The following ANK3 variants were observed in gnomAD, a reference collection of about 807,000 sequenced individuals.
The protein encoded by ANK3 is ankyrin-3.
In ANK3, 57 loss-of-function variants were observed where a neutral mutation model predicts 370.9. That is an observed-to-expected ratio of 0.15 (90% CI 0.12 to 0.19). The LOEUF is 0.19. Ranked by LOEUF, ANK3 falls within the 10% of genes least tolerant of loss-of-function variation. The pLI is 1.00. For missense variants in ANK3, 4,439 were observed against 5,302.1 expected, an observed-to-expected ratio of 0.84 and a Z score of 5.06; for synonymous variants, 1,929 against 1,946.3, an observed-to-expected ratio of 0.99 and a Z score of 0.23.
At chr10:60,720,959 G>T (rs2079855187) in intron 1 of ANK3, among the ~76,000 whole-genome samples, 1 of 152,134 alleles carries the variant, frequency 6.6e-6, no homozygotes, top group African/African-American at 2.4e-5. Context: ...AGGAGATCAT[G>T]TTAGTAAATA....
chr10:60,316,990 C>T (rs1015254630), intron 1 of ANK3, among the ~76,000 whole-genome samples: 2 of 152,182 alleles, frequency 1.3e-5, no homozygotes, highest in African/African-American at 4.8e-5. Context: ...TCATGATCCG[C>T]CCACCTCAGC....
intron 2 of ANK3, among the ~76,000 whole-genome samples, chr10:60,398,305 C>T (rs957648469): frequency 2.0e-5 from 3 of 152,166 alleles, no homozygotes; most frequent in African/African-American, 7.2e-5. Flanking sequence ...ATGTGGCCTG[C>T]AGGCCTGTTT....
At chr10:60,657,359 A>G (rs756864446) in intron 1 of ANK3, among the ~76,000 whole-genome samples, 13 of 152,174 alleles carry the variant, frequency 8.5e-5, no homozygotes, top group East Asian at 1.9e-4. Context: ...TCTGTTGCCC[A>G]GGCTGGTCTT....
At chr10:60,317,962 C>T (rs987437783) in intron 1 of ANK3, among the ~76,000 whole-genome samples, 1 of 151,764 alleles carries the variant, frequency 6.6e-6, no homozygotes, top group East Asian at 1.9e-4. Flanking sequence ...GTGATCAGCC[C>T]GCCTCGGCCT....
At chr10:60,390,341 T>C (rs1047094467), upstream of ANK3, among the ~76,000 whole-genome samples, 1 of 152,170 alleles carries the variant, frequency 6.6e-6, no homozygotes, top group African/African-American at 2.4e-5. Flanking sequence ...TATTGGTGTA[T>C]GGAACAGATG....
In ANK3 at chr10:60,513,880, A is replaced by T. The variant is rs988419043; in HGVS notation, c.96+101306T>A. Among the ~76,000 whole-genome samples the T allele has an allele frequency of 3.3e-5, 5 of 152,256 alleles. No individual in the cohort carries two copies. The East Asian group carries it at 9.7e-4, about 30-fold the overall frequency. On this transcript the variant is annotated intron_variant, in intron 2 of 43. Transcript: ENST00000373827. The stretch of plus-strand genomic sequence containing the variant: ...ACATGCGTTTGCACGGAGTGAGTCC[A>T]CTTATACACGGACCTTTTTCAATAA...
intron 2 of ANK3, among the ~76,000 whole-genome samples, chr10:60,556,563 G>C (rs1425598707): frequency 6.6e-6 from 1 of 152,114 alleles, no homozygotes; most frequent in Non-Finnish European, 1.5e-5. Context: ...CAGTGTCACT[G>C]TCTTTATCCA....
intron 41 of ANK3, among the ~76,000 whole-genome samples, chr10:60,057,611 G>A (rs576052428): frequency 6.6e-6 from 1 of 152,226 alleles, no homozygotes; most frequent in East Asian, 1.9e-4. Context: ...ATTGCTTGCC[G>A]GCGTTCTCCT....
intron 1 of ANK3, among the ~76,000 whole-genome samples, chr10:60,348,675 G>A (rs937764893): frequency 2.0e-5 from 3 of 152,204 alleles, no homozygotes; most frequent in African/African-American, 7.2e-5. Flanking sequence ...AACAGCAGTA[G>A]TGGTGGTGTG....
intron 1 of ANK3, among the ~76,000 whole-genome samples, chr10:60,362,118 A>G (rs1403498969): frequency 6.6e-6 from 1 of 152,114 alleles, no homozygotes; most frequent in African/African-American, 2.4e-5. Flanking sequence ...CTATACTCTC[A>G]GGATGTCCTA....
intron 2 of ANK3, among the ~76,000 whole-genome samples, chr10:60,413,912 A>G (rs974516459): frequency 1.3e-5 from 2 of 152,142 alleles, no homozygotes; most frequent in African/African-American, 4.8e-5. Flanking sequence ...TGAGAGGATC[A>G]CTTGAGCCTA....
chr10:60,486,455 C>T (rs1052464814), intron 2 of ANK3, among the ~76,000 whole-genome samples: 7 of 152,160 alleles, frequency 4.6e-5, no homozygotes, highest in African/African-American at 1.7e-4. Context: ...GTGTGCGCAC[C>T]TGTAGTCCTA....
intron 8 of ANK3, among the ~76,000 whole-genome samples, chr10:60,227,438 C>T (rs115590979): frequency 4.6e-5 from 7 of 152,050 alleles, no homozygotes; most frequent in African/African-American, 1.2e-4. Context: ...TTGGGGTAGG[C>T]TAAGATTCCT....
chr10:60,085,079 G>C lies in ANK3; in HGVS notation c.3845+78C>G, dbSNP rs1255080298. ...TCTCACAACAATTTTTTTTAGTATT[G>C]AACACAACAATTTTTACTTTCCAAA... On this transcript the variant is annotated intron_variant, in intron 31 of 43. Transcript: ENST00000280772. 5.8e-6 allele frequency: 7 copies of C among 1,212,660 alleles called. No homozygotes were observed. The African/African-American group carries it at 7.7e-5, about 13-fold the overall frequency. 75.1% of individuals were successfully genotyped at this position (1,212,660 alleles called of 1,614,324 possible).
At chr10:60,605,473 A>C (rs2078116131) in intron 2 of ANK3, among the ~76,000 whole-genome samples, 1 of 152,104 alleles carries the variant, frequency 6.6e-6, no homozygotes. Flanking sequence ...TAAAAAGGAA[A>C]ATAGAGACAC....
rs2075213389 is a variant in ANK3 at position 60,481,458 on chromosome 10, A to G, written c.96+133728T>C. 4.8e-5 allele frequency among the ~76,000 whole-genome samples: 7 copies of G among 145,236 alleles called. No individual in the cohort carries two copies. The Admixed American group carries it at 5.0e-4, about 10-fold the overall frequency. On this transcript the variant is annotated intron_variant, in intron 2 of 43. Transcript: ENST00000373827. ...CGTAGTTCCTATTGGCTATGAACAC[A>G]AGGAAGATATATATATATATTTGAG... is the stretch of plus-strand genomic sequence containing the variant.
chr10:60,198,301 T>TG lies in ANK3; in HGVS notation c.1689+38dup, dbSNP rs762629000. The TG allele has an allele frequency of 1.2e-5, 19 of 1,602,968 alleles. No individual in the cohort carries two copies. The African/African-American group carries it at 2.4e-4, about 20-fold the overall frequency. Reference sequence around the variant, plus strand: ...CGGGGAAACGTAAGGAAGATGTATTTGGGGGGACAGAGCAGGATTCTGAGA... The same window carrying TG: ...CGGGGAAACGTAAGGAAGATGTATTTGGGGGGGACAGAGCAGGATTCTGAGA... On this transcript the variant is annotated intron_variant, in intron 14 of 43. Coordinates refer to ENST00000280772, the MANE Select transcript of ANK3 (RefSeq NM_020987.5).
intron 42 of ANK3, among the ~76,000 whole-genome samples, chr10:60,055,067 A>T (rs1365501962): frequency 6.6e-6 from 1 of 152,218 alleles, no homozygotes; most frequent in Non-Finnish European, 1.5e-5. Context: ...TAAGACAATC[A>T]TCATCAACTT....
intron 2 of ANK3, among the ~76,000 whole-genome samples, chr10:60,500,575 A>G (rs918579310): frequency 6.6e-6 from 1 of 152,194 alleles, no homozygotes; most frequent in Non-Finnish European, 1.5e-5. Flanking sequence ...TTGAAAATAC[A>G]GTGAGGTTTT....
Sources: gnomAD v4.1 joint callset for allele counts (sites outside exome capture counted in the v4.1 genomes callset) on GRCh38, gnomAD v4.1.1 for gene constraint, MANE v1.5 for transcripts, NCBI Gene and HGNC (gene_info 2026-07-23, HGNC 2026-07-21) for gene names.